The following FRAS1 variants were observed in gnomAD, a reference collection of about 807,000 sequenced individuals.
FRAS1 encodes the protein extracellular matrix organizing protein FRAS1.
In FRAS1, 290 loss-of-function variants were observed where a neutral mutation model predicts 435.2. The ratio of observed to expected loss-of-function variants is 0.67; its 90% CI spans 0.61 to 0.73. FRAS1 has a LOEUF of 0.73. FRAS1 is among the 30% of genes least tolerant of loss of function. FRAS1 has a pLI of 0.00. For synonymous variants in FRAS1, 1,800 were observed against 1,851.0 expected, an observed-to-expected ratio of 0.97 and a Z score of 0.71; for missense variants, 4,860 against 5,001.5, an observed-to-expected ratio of 0.97 and a Z score of 0.85.
At chr4:78,077,647 T>A (rs1255692966) in intron 2 of FRAS1, among the ~76,000 whole-genome samples, 1 of 152,106 alleles carries the variant, frequency 6.6e-6, no homozygotes, top group Non-Finnish European at 1.5e-5. Flanking sequence ...TCTACATCCA[T>A]GTGTACACAT....
intron 2 of FRAS1, among the ~76,000 whole-genome samples, chr4:78,195,765 C>A (rs565521606): frequency 6.6e-6 from 1 of 152,060 alleles, no homozygotes; most frequent in Non-Finnish European, 1.5e-5. Context: ...ACACTCAGTG[C>A]GCTGCACCCA....
intron 11 of FRAS1, among the ~76,000 whole-genome samples, chr4:78,281,797 G>A (rs1727343991): frequency 6.6e-6 from 1 of 152,138 alleles, no homozygotes; most frequent in African/African-American, 2.4e-5. Context: ...AGCTTCTTGG[G>A]TTTGCAAGCA....
chr4:78,527,142 G>T (rs1721560834), intron 70 of FRAS1, among the ~76,000 whole-genome samples: 1 of 152,138 alleles, frequency 6.6e-6, no homozygotes, highest in South Asian at 2.1e-4. Flanking sequence ...TGATATAAAT[G>T]TTGTGAACAG....
chr4:78,380,718 C>G (rs889868354), intron 27 of FRAS1, among the ~76,000 whole-genome samples: 3 of 152,198 alleles, frequency 2.0e-5, no homozygotes, highest in African/African-American at 7.2e-5. Flanking sequence ...AGCATAGACT[C>G]TATGTATAAA....
At chr4:78,430,886 T>C (rs1019187111) in intron 37 of FRAS1, among the ~76,000 whole-genome samples, 1 of 152,232 alleles carries the variant, frequency 6.6e-6, no homozygotes, top group African/African-American at 2.4e-5. Flanking sequence ...CTATGTGATA[T>C]AACAGTGTGG....
At chr4:78,405,722 T>C (rs899898358) in intron 30 of FRAS1, among the ~76,000 whole-genome samples, 1 of 152,252 alleles carries the variant, frequency 6.6e-6, no homozygotes, top group Non-Finnish European at 1.5e-5. Flanking sequence ...ATTGACACTC[T>C]ATCTTTCTGT....
intron 9 of FRAS1, among the ~76,000 whole-genome samples, chr4:78,272,755 A>T: frequency 6.6e-6 from 1 of 152,204 alleles, no homozygotes; most frequent in Non-Finnish European, 1.5e-5. Flanking sequence ...TGATGCCTCC[A>T]GCTTTGTTCT....
chr4:78,369,629 A>G (rs1184934516), intron 22 of FRAS1, among the ~76,000 whole-genome samples: 2 of 152,118 alleles, frequency 1.3e-5, no homozygotes, highest in Non-Finnish European at 2.9e-5. Context: ...TGCACTTTAT[A>G]TTCTTTGTAA....
intron 2 of FRAS1, among the ~76,000 whole-genome samples, chr4:78,128,922 A>G (rs948464863): frequency 1.3e-5 from 2 of 152,110 alleles, no homozygotes; most frequent in East Asian, 1.9e-4. Context: ...ATCTTGAATT[A>G]ATTTTTGTAT....
chr4:78,266,914 C>T lies in FRAS1; in HGVS notation c.768C>T (p.Cys256=). Residue 256 remains cysteine (C), a synonymous_variant, in exon 8 of 74, where the codon TGC becomes TGT. Coordinates refer to ENST00000512123, the MANE Select transcript of FRAS1 (RefSeq NM_025074.7). ...AGGTCAGGTGTCACAAGCAGGCCTG[C>T]CTGCCCCTGAGATGCGGAAAGGTAT... ...RGEVRCHKQA[C]LPLRCGKGQS... 6.2e-7 allele frequency: 1 copy of T among 1,606,594 alleles called. No homozygotes were observed. The highest frequency in any genetic ancestry group is 1.3e-5 in the African/African-American group (1 of 74,950).
At chr4:78,331,288 G>A (rs1351000950) in intron 18 of FRAS1, among the ~76,000 whole-genome samples, 1 of 152,110 alleles carries the variant, frequency 6.6e-6, no homozygotes, top group East Asian at 1.9e-4. Flanking sequence ...TAACCAGTAA[G>A]GCAGGGGCAC....
At chr4:78,241,973 C>G (rs958633967) in intron 3 of FRAS1, among the ~76,000 whole-genome samples, 1 of 151,996 alleles carries the variant, frequency 6.6e-6, no homozygotes, top group African/African-American at 2.4e-5. Flanking sequence ...TGGATGAAGG[C>G]AACATAGGAA....
At chr4:78,523,832 C>T (rs561491038) in intron 69 of FRAS1, among the ~76,000 whole-genome samples, 84 of 152,232 alleles carry the variant, frequency 5.5e-4, no homozygotes, top group South Asian at 1.5e-3. Flanking sequence ...ATGAAGCCCA[C>T]CCTCCTTATG....
intron 30 of FRAS1, among the ~76,000 whole-genome samples, chr4:78,404,559 C>G (rs1348627582): frequency 6.6e-6 from 1 of 152,114 alleles, no homozygotes; most frequent in Non-Finnish European, 1.5e-5. Context: ...CCCTCCAACC[C>G]CCTCCTCCTT....
intron 6 of FRAS1, among the ~76,000 whole-genome samples, chr4:78,264,110 G>T (rs543735668): frequency 6.6e-6 from 1 of 152,294 alleles, no homozygotes; most frequent in African/African-American, 2.4e-5. Flanking sequence ...ATTGACACTT[G>T]GTTTGTTCTC....
Position 78,543,705 on chromosome 4 carries a change from T to G in FRAS1, c.*2581T>G, listed in dbSNP as rs963072429. ...TGAGATATACCCCTTTGATGTAGAA[T>G]TATTCATTTGGTTTGTTTCATACTT... On this transcript the variant is annotated 3_prime_UTR_variant, in exon 74 of 74. Coordinates refer to ENST00000512123, the MANE Select transcript of FRAS1 (RefSeq NM_025074.7). The G allele has an allele frequency of 3.3e-5, 5 of 152,248 alleles. No homozygotes were observed. Among genetic ancestry groups the G allele is most frequent in the African/African-American group, 1.2e-4 (5 of 41,466 alleles). 9.4% of individuals were successfully genotyped at this position (152,248 alleles called of 1,614,324 possible). A position where few individuals can be genotyped will look rare whatever the true frequency, so the allele number is the denominator to read the frequency against.
intron 29 of FRAS1, among the ~76,000 whole-genome samples, chr4:78,399,275 A>G (rs1732791079): frequency 6.6e-6 from 1 of 152,182 alleles, no homozygotes; most frequent in African/African-American, 2.4e-5. Flanking sequence ...GAGAGGTGAG[A>G]TGCTCAAGGG....
At chr4:78,411,820 C>T (rs947892709) in intron 31 of FRAS1, among the ~76,000 whole-genome samples, 1 of 152,258 alleles carries the variant, frequency 6.6e-6, no homozygotes, top group Non-Finnish European at 1.5e-5. Flanking sequence ...CCTAAAGCTA[C>T]CAAAGTGAGT....
At chr4:78,392,655 A>G (rs987398338) in intron 29 of FRAS1, among the ~76,000 whole-genome samples, 1 of 152,066 alleles carries the variant, frequency 6.6e-6, no homozygotes, top group African/African-American at 2.4e-5. Flanking sequence ...CGCTGTTTTA[A>G]TCATGCCCCC....
Sources: gnomAD v4.1 joint callset for allele counts (sites outside exome capture counted in the v4.1 genomes callset) on GRCh38, gnomAD v4.1.1 for gene constraint, MANE v1.5 for transcripts, NCBI Gene and HGNC (gene_info 2026-07-23, HGNC 2026-07-21) for gene names.